Variants in PTPRN2 observed in about 807,000 individuals in gnomAD.
PTPRN2 encodes the protein protein tyrosine phosphatase receptor type N2, also known as receptor-type tyrosine-protein phosphatase N2.
PTPRN2 carries 74 observed loss-of-function variants against 118.8 expected under a neutral mutation model. That is an observed-to-expected ratio of 0.62 (90% confidence interval 0.52 to 0.76). PTPRN2 has a LOEUF of 0.76. Among genes scored for constraint, PTPRN2 ranks in the 30% least tolerant of loss-of-function variants. The probability of loss-of-function intolerance (pLI) is 0.00; values close to 1 mark genes in which losing one functional copy is unlikely to be tolerated. For missense variants in PTPRN2, 1,481 were observed against 1,394.4 expected (o/e 1.06, Z -0.99); for synonymous variants, 641 against 608.0 (o/e 1.05, Z -0.80).
rs10253086 is a variant in PTPRN2, at chr7:157,794,620, C to G, written c.1788+104053G>C. Among the ~76,000 whole-genome samples, 49,474 of 152,130 alleles carry G rather than the reference C, an allele frequency of 0.33. 9,940 individuals carry two copies. The highest frequency in any genetic ancestry group is 0.57 in the African/African-American group (23,565 of 41,452). On this transcript the variant is annotated intron_variant, in intron 12 of 22. Coordinates refer to ENST00000389418, the MANE Select transcript of PTPRN2 (RefSeq NM_002847.5). This position sits in a 1 kb window ranked among gnomAD's most constrained non-coding sequence, Gnocchi z 5.2. ...TCTTCATCGCCTCTGTGAACACCCA[C>G]TAAAACCGTAAGTGGGAAAAGTGGG...
intron 11 of PTPRN2, among the ~76,000 whole-genome samples, chr7:157,937,261 C>T (rs914287021): frequency 1.3e-5 from 2 of 152,164 alleles, no homozygotes; most frequent in Admixed American, 6.5e-5. Context: ...AAGGTCCACA[C>T]GGGGCTGGAC....
intron 3 of PTPRN2, among the ~76,000 whole-genome samples, chr7:158,242,976 T>C (rs937339484): frequency 1.3e-5 from 2 of 152,260 alleles, no homozygotes; most frequent in African/African-American, 4.8e-5. Flanking sequence ...CTCCCAATTT[T>C]GATGATCTTT....
intron 3 of PTPRN2, among the ~76,000 whole-genome samples, chr7:158,278,328 C>T (rs558115837): frequency 1.4e-5 from 2 of 144,958 alleles, no homozygotes; most frequent in African/African-American, 5.1e-5. Context: ...CATGATGAAA[C>T]CCCGTCTCTA....
chr7:157,652,747 C>T (rs1458066339), intron 14 of PTPRN2, among the ~76,000 whole-genome samples: 1 of 152,246 alleles, frequency 6.6e-6, no homozygotes, highest in Non-Finnish European at 1.5e-5. Context: ...ATCCCCCCAT[C>T]GGGGCAGGCA....
At chr7:157,898,543 C>T (rs1354016323) in intron 12 of PTPRN2, 130 bp downstream of exon 12, 10 of 936,516 alleles carry the variant, frequency 1.1e-5, no homozygotes. Flanking sequence ...CTGCAGCCCA[C>T]TGGTCCTCCC....
At chr7:157,823,921 G>A (rs1223922510) in intron 12 of PTPRN2, among the ~76,000 whole-genome samples, 2 of 152,092 alleles carry the variant, frequency 1.3e-5, no homozygotes, top group Admixed American at 6.5e-5. Flanking sequence ...TCAGTCCTTC[G>A]TTCCACAGCT....
intron 2 of PTPRN2, among the ~76,000 whole-genome samples, chr7:158,416,785 G>A (rs1814691960): frequency 6.6e-6 from 1 of 152,194 alleles, no homozygotes. Context: ...GCACACAGCA[G>A]GGAAGTGGCT....
At position 157,619,825 on chromosome 7, in the gene PTPRN2, G is replaced by T. The variant is rs2150632651; in HGVS notation, c.2344+1537C>A. On this transcript the variant is annotated intron_variant, in intron 15 of 22. Transcript: ENST00000389418. This position sits in a 1 kb window ranked among gnomAD's most constrained non-coding sequence, Gnocchi z 5.3. Reference sequence around the variant, plus strand: ...CAAGGGCAGTGCCTCTCCCTGGCGTGGGGGGCTGTGCTGCTGGTACGGGGA... The same window carrying T: ...CAAGGGCAGTGCCTCTCCCTGGCGTTGGGGGCTGTGCTGCTGGTACGGGGA... 6.6e-6 allele frequency among the ~76,000 whole-genome samples: 1 copy of T among 152,340 alleles called. No homozygotes were observed. Among genetic ancestry groups the T allele is most frequent in the Admixed American group, 6.5e-5 (1 of 15,306 alleles).
intron 3 of PTPRN2, among the ~76,000 whole-genome samples, chr7:158,261,917 T>C (rs1797427582): frequency 6.6e-6 from 1 of 152,206 alleles, no homozygotes; most frequent in Non-Finnish European, 1.5e-5. Flanking sequence ...GAGGGAGGAA[T>C]CTAGGAGCTC....
intron 1 of PTPRN2, among the ~76,000 whole-genome samples, chr7:158,587,015 A>G (rs1828974899): frequency 6.6e-6 from 1 of 151,976 alleles, no homozygotes; most frequent in African/African-American, 2.4e-5. Context: ...GAGGACAGAG[A>G]GGCGCGCGAC....
chr7:158,070,045 C>T (rs1811083970), intron 11 of PTPRN2, among the ~76,000 whole-genome samples: 1 of 152,216 alleles, frequency 6.6e-6, no homozygotes, highest in African/African-American at 2.4e-5. Flanking sequence ...TTTCCTTCTT[C>T]CATTTTGCCA....
At chr7:157,552,266 CTAAA>C (rs1336007838) in intron 21 of PTPRN2, among the ~76,000 whole-genome samples, 2 of 152,310 alleles carry the variant, frequency 1.3e-5, no homozygotes, top group East Asian at 1.9e-4. Flanking sequence ...AATAACATAA[CTAAA>C]TAGCTTCCCG....
rs556302714 is a variant in PTPRN2, at chr7:158,232,403, T to C, written c.278-27130A>G. ...CTACCAAGATTGAACCATGAAGAAATAGAAAACTTCAACAAACCAATAACA... is the reference window on the plus strand; with the variant it reads ...CTACCAAGATTGAACCATGAAGAAACAGAAAACTTCAACAAACCAATAACA... On this transcript the variant is annotated intron_variant, in intron 3 of 22. Transcript: ENST00000389418. Among the ~76,000 whole-genome samples, 8 of 151,976 alleles carry C rather than the reference T, an allele frequency of 5.3e-5. No individual in the cohort carries two copies. In the South Asian group the frequency reaches 1.5e-3, roughly 28 times the overall value.
intron 14 of PTPRN2, among the ~76,000 whole-genome samples, chr7:157,640,803 C>T (rs1804623121): frequency 6.6e-6 from 1 of 152,180 alleles, no homozygotes; most frequent in African/African-American, 2.4e-5. Flanking sequence ...AGAAATAGAA[C>T]TTGACCCTTG....
rs915727891 is a variant in PTPRN2, at chr7:157,944,013, C to T, written c.1724-45276G>A. Among the ~76,000 whole-genome samples the T allele has an allele frequency of 3.3e-5, 5 of 152,174 alleles. No individual in the cohort carries two copies. Among genetic ancestry groups the T allele is most frequent in the East Asian group, 1.9e-4 (1 of 5,200 alleles). On this transcript the variant is annotated intron_variant, in intron 11 of 22. Coordinates refer to ENST00000389418, the MANE Select transcript of PTPRN2 (RefSeq NM_002847.5). This position sits in a 1 kb window ranked among gnomAD's most constrained non-coding sequence, Gnocchi z 4.3. Reference sequence around the variant, plus strand: ...GTTCTTCCTCTGCCACTTTTCTCCACGTTGTAAGGGTTTTAAACCAATGTT... The same window carrying T: ...GTTCTTCCTCTGCCACTTTTCTCCATGTTGTAAGGGTTTTAAACCAATGTT...
chr7:158,134,234 A>G (rs1222957584), intron 8 of PTPRN2, among the ~76,000 whole-genome samples, 175 bp from the exon 9 acceptor site: 1 of 152,176 alleles, frequency 6.6e-6, no homozygotes, highest in African/African-American at 2.4e-5. Context: ...TGTCTAGCCG[A>G]GCATGAGGTG....
At chr7:158,071,006 G>A (rs1469323667) in intron 11 of PTPRN2, among the ~76,000 whole-genome samples, 1 of 119,720 alleles carries the variant, frequency 8.4e-6, no homozygotes, top group African/African-American at 3.8e-5. Flanking sequence ...TGCTCATGGT[G>A]GTGGAGGTGC....
rs2128872175 is a variant in PTPRN2, at chr7:158,015,790, A to G, written c.1723+65508T>C. On this transcript the variant is annotated intron_variant, in intron 11 of 22. Coordinates refer to ENST00000389418, the MANE Select transcript of PTPRN2 (RefSeq NM_002847.5). This position sits in a 1 kb window ranked among gnomAD's most constrained non-coding sequence, Gnocchi z 4.2. The stretch of plus-strand genomic sequence containing the variant: ...CAATTGTCTAATGGTCCCAGGTCCA[A>G]CACTAAGGGAAACACATCCATTCAC... Among the ~76,000 whole-genome samples the G allele has an allele frequency of 6.6e-6, 1 of 152,378 alleles. No individual in the cohort carries two copies. Among genetic ancestry groups the G allele is most frequent in the South Asian group, 2.1e-4 (1 of 4,828 alleles).
intron 1 of PTPRN2, among the ~76,000 whole-genome samples, chr7:158,492,655 G>A (rs1308361492): frequency 2.6e-5 from 4 of 152,322 alleles, no homozygotes; most frequent in African/African-American, 9.6e-5. Flanking sequence ...CAAATGTTAT[G>A]CATATTTCAC....
Sources: gnomAD v4.1 joint callset for allele counts (sites outside exome capture counted in the v4.1 genomes callset) on GRCh38, gnomAD v4.1.1 for gene constraint, Gnocchi (gnomAD v3.1) non-coding constraint, MANE v1.5 for transcripts, NCBI Gene and HGNC (gene_info 2026-07-23, HGNC 2026-07-21) for gene names.